Variants in DDHD1 observed in about 807,000 individuals in gnomAD.
DDHD1 encodes the protein DDHD domain containing 1.
A neutral mutation model predicts 96.4 loss-of-function variants in DDHD1; 49 were observed. The ratio of observed to expected loss-of-function variants is 0.51; its 90% confidence interval spans 0.40 to 0.64. The LOEUF (loss-of-function observed/expected upper bound fraction) is 0.64, where lower values mean the gene tolerates loss of function less well. DDHD1 is among the 30% of genes least tolerant of loss of function. The probability of loss-of-function intolerance (pLI) is 0.00; values close to 1 mark genes in which losing one functional copy is unlikely to be tolerated. For missense variants in DDHD1, 1,106 were observed against 1,161.2 expected (o/e 0.95, Z 0.69); for synonymous variants, 442 against 446.5 (o/e 0.99, Z 0.13).
chr14:53,065,827 T>G (rs1172446382), intron 6 of DDHD1, among the ~76,000 whole-genome samples: 1 of 152,216 alleles, frequency 6.6e-6, no homozygotes, highest in Non-Finnish European at 1.5e-5. Context: ...GAGACAGCTT[T>G]GTTACTACAA....
At chr14:53,086,896 G>C (rs1054142616) in intron 4 of DDHD1, among the ~76,000 whole-genome samples, 1 of 145,254 alleles carries the variant, frequency 6.9e-6, no homozygotes, top group African/African-American at 2.6e-5. Flanking sequence ...GTATTCAGGA[G>C]ACCCATCTCA....
rs775853793 is a variant in DDHD1, at chr14:53,039,679, G to C, written c.*7089C>G. 1.3e-5 allele frequency: 2 copies of C among 152,344 alleles called. No homozygotes were observed. 9.4% of individuals were successfully genotyped at this position (152,344 alleles called of 1,614,324 possible). A position where few individuals can be genotyped will look rare whatever the true frequency, so the allele number is the denominator to read the frequency against. On this transcript the variant is annotated 3_prime_UTR_variant, in exon 13 of 13. Coordinates refer to ENST00000673822, the MANE Select transcript of DDHD1 (RefSeq NM_001160148.2). ...AAAGGCAAATGGAATGTAGTTTGCT[G>C]TAACAAAAATATAGTTTGATTGTTG...
In DDHD1 at chr14:53,063,000, C is replaced by A. The variant is rs114715404; in HGVS notation, c.1709G>T (p.Arg570Leu). The A allele has an allele frequency of 6.8e-6, 11 of 1,611,640 alleles. No individual in the cohort carries two copies. The African/African-American group carries it at 1.2e-4, about 18-fold the overall frequency. Reference protein sequence around the residue: ...LQKEEELPDERWMSYEERHLL... With the variant: ...LQKEEELPDELWMSYEERHLL... Reference sequence around the variant, plus strand: ...ATGTCGTTCTTCATAGCTCATCCATCGTTCATCAGGCAACTCTTCTTCCTT... The same window carrying A: ...ATGTCGTTCTTCATAGCTCATCCATAGTTCATCAGGCAACTCTTCTTCCTT... The change falls in exon 7 of 13, where the codon CGA becomes CTA. Residue 570 changes from arginine to leucine, a missense_variant. By Grantham distance (102) the Arg-to-Leu change is moderately radical (BLOSUM62 -2). This residue lies in a region of DDHD1 where 650 missense variants were observed against 758.8 expected (regional missense o/e 0.86). Transcript: ENST00000673822.
At chr14:53,063,773 G>A (rs1430779017) in intron 6 of DDHD1, among the ~76,000 whole-genome samples, 2 of 152,040 alleles carry the variant, frequency 1.3e-5, no homozygotes, top group East Asian at 3.8e-4. Context: ...CACTAAGTTG[G>A]CAATACAGAT....
Position 53,042,833 on chromosome 14 carries a change from C to T in DDHD1, c.*3935G>A, listed in dbSNP as rs770114850. 10 of 152,200 alleles carry T rather than the reference C, an allele frequency of 6.6e-5. No individual in the cohort carries two copies. Among genetic ancestry groups the T allele is most frequent in the Non-Finnish European group, 7.4e-5 (5 of 68,020 alleles). The allele number at this position is 152,200 out of a possible 1,614,324, so 9.4% of individuals were successfully genotyped here. ...TTCTTTTTCTAGTATATGATTGCTA[C>T]GTTCTTTTTTGCTCTGCCTTGATCT... On this transcript the variant is annotated 3_prime_UTR_variant, in exon 13 of 13. Coordinates refer to ENST00000673822, the MANE Select transcript of DDHD1 (RefSeq NM_001160148.2).
At chr14:53,138,414 G>C (rs562431102) in intron 1 of DDHD1, among the ~76,000 whole-genome samples, 1 of 152,292 alleles carries the variant, frequency 6.6e-6, no homozygotes, top group East Asian at 1.9e-4. Flanking sequence ...GGGCAACAGA[G>C]CGAGACTCTG....
chr14:53,112,271 G>T (rs1488760959), intron 1 of DDHD1, among the ~76,000 whole-genome samples: 4 of 152,094 alleles, frequency 2.6e-5, no homozygotes, highest in East Asian at 1.9e-4. Flanking sequence ...ACAAAAATTA[G>T]CTGGGCATGG....
intron 1 of DDHD1, among the ~76,000 whole-genome samples, chr14:53,122,727 T>C (rs1470660592): frequency 3.3e-5 from 5 of 150,874 alleles, no homozygotes; most frequent in African/African-American, 1.2e-4. Flanking sequence ...CCTGGCTAAT[T>C]TTTTTTTTAA....
chr14:53,152,913 T>C lies in DDHD1; in HGVS notation c.186A>G (p.Glu62=). Residue 62 remains glutamate (E), a synonymous_variant, in exon 1 of 13, where the codon GAA becomes GAG. Transcript: ENST00000673822. The stretch of plus-strand genomic sequence containing the variant: ...TGCCCGGCGCCAAATGCAGCCCGGG[T>C]TCCCCGCGCAGCAGGGCCAGGGGCA... ...GDVPLALLRG[E]PGLHLAPGTD... is the part of the protein sequence containing the mutation. The C allele has an allele frequency of 6.2e-7, 1 of 1,607,330 alleles. No homozygotes were observed. Among genetic ancestry groups the C allele is most frequent in the Non-Finnish European group, 8.5e-7 (1 of 1,177,488 alleles).
chr14:53,114,772 T>C (rs1225557087), intron 1 of DDHD1, among the ~76,000 whole-genome samples: 1 of 151,950 alleles, frequency 6.6e-6, no homozygotes, highest in Non-Finnish European at 1.5e-5. Context: ...TGAGGAAAAA[T>C]CAGTGCAAAA....
At chr14:53,105,941 T>TTCTC (rs140253551) in intron 1 of DDHD1, among the ~76,000 whole-genome samples, 5 of 151,350 alleles carry the variant, frequency 3.3e-5, no homozygotes, top group African/African-American at 1.2e-4. Flanking sequence ...GTTCCAGTGG[T>TTCTC]TCTCTCTCTC....
intron 1 of DDHD1, among the ~76,000 whole-genome samples, chr14:53,110,273 C>T (rs945818805): frequency 1.3e-5 from 2 of 152,208 alleles, no homozygotes; most frequent in African/African-American, 2.4e-5. Context: ...AAGCCTCCTA[C>T]GTAAACTCAG....
intron 1 of DDHD1, among the ~76,000 whole-genome samples, chr14:53,119,675 T>C (rs1888831473): frequency 6.6e-6 from 1 of 152,072 alleles, no homozygotes; most frequent in Non-Finnish European, 1.5e-5. Context: ...ACGTAATCCA[T>C]CATATAAAGA....
chr14:53,133,636 G>A (rs377396188), intron 1 of DDHD1, among the ~76,000 whole-genome samples: 14 of 152,226 alleles, frequency 9.2e-5, no homozygotes, highest in African/African-American at 2.9e-4. Context: ...GCCTGTCCTC[G>A]GGATGCTACA....
intron 4 of DDHD1, among the ~76,000 whole-genome samples, chr14:53,089,452 G>C (rs763079850): frequency 5.9e-5 from 9 of 152,074 alleles, no homozygotes; most frequent in Non-Finnish European, 1.3e-4. Context: ...GCATGGTACT[G>C]GTATCAAAAC....
intron 4 of DDHD1, among the ~76,000 whole-genome samples, chr14:53,086,726 G>T (rs1394360182): frequency 6.6e-6 from 1 of 152,086 alleles, no homozygotes; most frequent in Non-Finnish European, 1.5e-5. Context: ...ATTGATGCTG[G>T]GAAGAAACTG....
intron 1 of DDHD1, among the ~76,000 whole-genome samples, chr14:53,125,732 C>T (rs752994075): frequency 1.4e-5 from 2 of 145,832 alleles, no homozygotes; most frequent in African/African-American, 5.1e-5. Context: ...GATGGAATCT[C>T]GCCCTGTCAC....
intron 1 of DDHD1, among the ~76,000 whole-genome samples, chr14:53,123,719 T>C (rs1434828221): frequency 2.6e-5 from 4 of 152,108 alleles, no homozygotes; most frequent in African/African-American, 9.7e-5. Context: ...ATGGGAATAA[T>C]AATGCATGGA....
At chr14:53,115,709 C>G (rs1566579320) in intron 1 of DDHD1, among the ~76,000 whole-genome samples, 1 of 151,594 alleles carries the variant, frequency 6.6e-6, no homozygotes, top group African/African-American at 2.4e-5. Flanking sequence ...GCCTGCCTTA[C>G]AAGAACTCCT....
Sources: allele counts gnomAD v4.1 joint callset (sites outside exome capture counted in the v4.1 genomes callset), GRCh38; gene constraint gnomAD v4.1.1; regional missense constraint gnomAD v4.1.1; transcripts MANE v1.5; gene names NCBI Gene and HGNC (gene_info 2026-07-23, HGNC 2026-07-21).